The following RAD54L2 variants were observed in gnomAD, a reference collection of about 807,000 sequenced individuals.
The protein encoded by RAD54L2 is helicase ARIP4.
RAD54L2 carries 27 observed loss-of-function variants against 138.4 expected under a neutral mutation model. The observed-to-expected ratio is 0.20, with a 90% CI of 0.14 to 0.27. The LOEUF (loss-of-function observed/expected upper bound fraction) is 0.27, where lower values mean the gene tolerates loss of function less well. Ranked by LOEUF, RAD54L2 falls within the 10% of genes least tolerant of loss-of-function variation. The probability of loss-of-function intolerance (pLI) is 1.00; values close to 1 mark genes in which losing one functional copy is unlikely to be tolerated. For synonymous variants in RAD54L2, 644 were observed against 723.2 expected (o/e 0.89, Z 1.76); for missense variants, 1,396 against 1,890.2 (o/e 0.74, Z 4.85).
intron 2 of RAD54L2, among the ~76,000 whole-genome samples, chr3:51,545,570 A>T (rs72951469): frequency 0.02 from 3,058 of 151,928 alleles, 107 homozygotes; most frequent in African/African-American, 0.07. Flanking sequence ...GATTTTTTTT[A>T]AATTTTTAAT....
chr3:51,608,047 A>C (rs889804113), intron 3 of RAD54L2, among the ~76,000 whole-genome samples: 1 of 151,144 alleles, frequency 6.6e-6, no homozygotes, highest in Non-Finnish European at 1.5e-5. Flanking sequence ...GCTGCCGGGC[A>C]GAGGGGCTCC....
rs757373118 is a variant in RAD54L2 at position 51,663,448 on chromosome 3, G to C, written c.*28G>C. 1 of 1,596,304 alleles carries C rather than the reference G, an allele frequency of 6.3e-7. No homozygotes were observed. The highest frequency in any genetic ancestry group is 8.6e-7 in the Non-Finnish European group (1 of 1,169,068). ...AGGGAGCCCCTCCCCACCTCACTTG[G>C]GGCCCCCAGCAGGTTGCCCACCAAG... On this transcript the variant is annotated 3_prime_UTR_variant, in exon 23 of 23. Coordinates refer to ENST00000684192, the MANE Select transcript of RAD54L2 (RefSeq NM_015106.4).
intron 2 of RAD54L2, among the ~76,000 whole-genome samples, chr3:51,553,138 C>T (rs1052519532): frequency 5.3e-5 from 8 of 151,948 alleles, no homozygotes; most frequent in East Asian, 1.9e-4. Flanking sequence ...AGGGCAGTGG[C>T]GCAATCTCGG....
chr3:51,637,570 C>A lies in RAD54L2; in HGVS notation c.1682+67C>A. The A allele has an allele frequency of 1.4e-6, 2 of 1,463,730 alleles. No individual in the cohort carries two copies. Among genetic ancestry groups the A allele is most frequent in the Non-Finnish European group, 1.9e-6 (2 of 1,080,220 alleles). The allele number at this position is 1,463,730 out of a possible 1,614,324, so 90.7% of individuals were successfully genotyped here. On this transcript the variant is annotated intron_variant, in intron 11 of 22. Transcript: ENST00000684192. The surrounding 1 kb of genome is among the most constrained non-coding windows in gnomAD (Gnocchi z 5.9). ...GCCCTGTTGCCAAGGGCATGCCAAA[C>A]CTGTTATACAGGATAGGGTGTTGGA...
At chr3:51,613,020 A>G (rs1700364557) in intron 3 of RAD54L2, among the ~76,000 whole-genome samples, 1 of 152,066 alleles carries the variant, frequency 6.6e-6, no homozygotes, top group South Asian at 2.1e-4. Flanking sequence ...GCTCACTGCA[A>G]GCTCTGCCTC....
chr3:51,650,848 T>C (rs560211433), intron 19 of RAD54L2, among the ~76,000 whole-genome samples: 129 of 152,116 alleles, frequency 8.5e-4, no homozygotes, highest in African/African-American at 3.0e-3. Flanking sequence ...ATATCTAAAA[T>C]CAACACCCTA....
chr3:51,659,443 C>G lies in RAD54L2; in HGVS notation c.3317-583C>G, dbSNP rs144958478. On this transcript the variant is annotated intron_variant, in intron 21 of 22. Transcript: ENST00000684192. ...GCTCTTGTAAAAAAGTTTGCTAACT[C>G]CTGGCCTAAAGGCAGCACTGACATT... 5.6e-3 allele frequency among the ~76,000 whole-genome samples: 851 copies of G among 152,258 alleles called. 5 individuals carry two copies. Among genetic ancestry groups the G allele is most frequent in the Admixed American group, 9.9e-3 (151 of 15,288 alleles).
chr3:51,587,095 ATTTC>A (rs1411033701), intron 2 of RAD54L2, among the ~76,000 whole-genome samples: 1 of 150,594 alleles, frequency 6.6e-6, no homozygotes, highest in Non-Finnish European at 1.5e-5. Context: ...CAGGGTAGTG[ATTTC>A]TTTCTTTTTT....
intron 2 of RAD54L2, among the ~76,000 whole-genome samples, chr3:51,550,904 G>A (rs576640001): frequency 4.6e-5 from 7 of 152,114 alleles, no homozygotes; most frequent in South Asian, 2.1e-4. Flanking sequence ...AAAATTAGCC[G>A]GTGTGGTGGT....
intron 3 of RAD54L2, among the ~76,000 whole-genome samples, chr3:51,616,229 A>G (rs1034377402): frequency 1.3e-5 from 2 of 152,068 alleles, no homozygotes; most frequent in Non-Finnish European, 2.9e-5. Flanking sequence ...TATTTCTTCT[A>G]TTATACTGTA....
At chr3:51,623,315 T>C (rs1431251595) in intron 3 of RAD54L2, among the ~76,000 whole-genome samples, 8 of 152,248 alleles carry the variant, frequency 5.3e-5, no homozygotes, top group South Asian at 4.1e-4. Context: ...GGAAATATAA[T>C]TGAGATTTGA....
intron 3 of RAD54L2, among the ~76,000 whole-genome samples, chr3:51,607,944 C>T (rs1299692208): frequency 2.1e-5 from 3 of 139,750 alleles, no homozygotes; most frequent in South Asian, 4.3e-4. Context: ...CCCCTCCTCC[C>T]GGACGGGGTG....
intron 3 of RAD54L2, among the ~76,000 whole-genome samples, chr3:51,604,083 T>C (rs546812117): frequency 1.3e-5 from 2 of 152,288 alleles, no homozygotes; most frequent in Non-Finnish European, 2.9e-5. Flanking sequence ...ATTCAGGATA[T>C]GTTTTGAAGA....
intron 5 of RAD54L2, among the ~76,000 whole-genome samples, chr3:51,629,864 A>AAAAAAT (rs1037446051): frequency 4.6e-5 from 7 of 152,260 alleles, no homozygotes; most frequent in Middle Eastern, 3.4e-3. Context: ...CTCTATCTCA[A>AAAAAAT]AAAAATAAAA....
At position 51,664,234 on chromosome 3, in the gene RAD54L2, T is replaced by C. The variant is rs1701865758; in HGVS notation, c.*814T>C. ...CATTTGTGTGAGAATTTGGGGAAAT[T>C]CATGAGAGAAAATGGGCATTACCAA... On this transcript the variant is annotated 3_prime_UTR_variant, in exon 23 of 23. Transcript: ENST00000684192. The C allele has an allele frequency of 6.6e-6, 1 of 152,042 alleles. No individual in the cohort carries two copies. Among genetic ancestry groups the C allele is most frequent in the Non-Finnish European group, 1.5e-5 (1 of 68,002 alleles). 9.4% of individuals were successfully genotyped at this position (152,042 alleles called of 1,614,324 possible).
intron 3 of RAD54L2, among the ~76,000 whole-genome samples, chr3:51,621,251 A>G (rs971784933): frequency 2.0e-5 from 3 of 152,242 alleles, no homozygotes; most frequent in African/African-American, 7.2e-5. Context: ...AATTCCTTTA[A>G]TAAGCTAAAA....
At chr3:51,660,720 C>G (rs536886792) in intron 22 of RAD54L2, among the ~76,000 whole-genome samples, 1 of 151,786 alleles carries the variant, frequency 6.6e-6, no homozygotes, top group Non-Finnish European at 1.5e-5. Context: ...CTCCCAGGTT[C>G]AAGTGATTCT....
chr3:51,551,399 C>T (rs955169302), intron 2 of RAD54L2, among the ~76,000 whole-genome samples: 4 of 151,478 alleles, frequency 2.6e-5, no homozygotes, highest in African/African-American at 9.7e-5. Flanking sequence ...TCCCAAAGTG[C>T]TGAGATTACA....
At chr3:51,648,177 C>T (rs1012872961) in intron 19 of RAD54L2, among the ~76,000 whole-genome samples, 1 of 152,218 alleles carries the variant, frequency 6.6e-6, no homozygotes, top group Non-Finnish European at 1.5e-5. Context: ...CCCACACCCA[C>T]GGAGCCTTGC....
Sources: gnomAD v4.1 joint callset for allele counts (sites outside exome capture counted in the v4.1 genomes callset) on GRCh38, gnomAD v4.1.1 for gene constraint, Gnocchi (gnomAD v3.1) non-coding constraint, MANE v1.5 for transcripts, NCBI Gene and HGNC (gene_info 2026-07-23, HGNC 2026-07-21) for gene names.